EDEM3: variants seen among roughly 807,000 people sequenced by gnomAD.
EDEM3 encodes ER degradation enhancing alpha-mannosidase like protein 3.
A neutral mutation model predicts 110.2 loss-of-function variants in EDEM3; 60 were observed. That is an observed-to-expected ratio of 0.54 (90% CI 0.44 to 0.67). EDEM3 has a LOEUF of 0.67. Among genes scored for constraint, EDEM3 ranks in the 30% least tolerant of loss-of-function variants. EDEM3 has a pLI of 0.00. For missense variants in EDEM3, 996 were observed against 1,121.0 expected, an observed-to-expected ratio of 0.89 and a Z score of 1.59; for synonymous variants, 352 against 382.9, an observed-to-expected ratio of 0.92 and a Z score of 0.94.
At chr1:184,697,716 T>C (rs1196277864) in intron 19 of EDEM3, among the ~76,000 whole-genome samples, 2 of 151,688 alleles carry the variant, frequency 1.3e-5, no homozygotes, top group Non-Finnish European at 3.0e-5. Flanking sequence ...ATGTAAAAAA[T>C]GGTAAAAATG....
At chr1:184,750,022 TCTA>T (rs1652668440) in intron 1 of EDEM3, among the ~76,000 whole-genome samples, 1 of 152,204 alleles carries the variant, frequency 6.6e-6, no homozygotes, top group Non-Finnish European at 1.5e-5. Flanking sequence ...CCCTATATGT[TCTA>T]CTAAGAGAGA....
chr1:184,716,761 A>G, intron 13 of EDEM3, 127 bp downstream of exon 13: 1 of 1,339,864 alleles, frequency 7.5e-7, no homozygotes, highest in Non-Finnish European at 1.0e-6. Flanking sequence ...TTAAAAAAGT[A>G]AACACAAGGA....
At chr1:184,697,717 G>T (rs1230710502) in intron 19 of EDEM3, among the ~76,000 whole-genome samples, 1 of 151,662 alleles carries the variant, frequency 6.6e-6, no homozygotes, top group South Asian at 2.1e-4. Context: ...TGTAAAAAAT[G>T]GTAAAAATGC....
At chr1:184,737,749 A>G (rs1246272234) in intron 2 of EDEM3, 38 bp from the exon 3 acceptor site, 1 of 1,559,192 alleles carries the variant, frequency 6.4e-7, no homozygotes, top group South Asian at 1.1e-5. Flanking sequence ...AAGGAAAATA[A>G]GCGAAAGCAC....
intron 19 of EDEM3, 85 bp downstream of exon 19, chr1:184,702,726 C>T: frequency 3.4e-6 from 4 of 1,190,200 alleles, no homozygotes; most frequent in Admixed American, 3.4e-5. Context: ...CCCCCCAAAA[C>T]AATTTTTTGT....
chr1:184,733,521 T>C (rs1651644037), intron 5 of EDEM3, among the ~76,000 whole-genome samples: 1 of 152,208 alleles, frequency 6.6e-6, no homozygotes, highest in Non-Finnish European at 1.5e-5. Flanking sequence ...TAATAAATCC[T>C]GTAATTTCAT....
chr1:184,699,882 C>T (rs1649524200), intron 19 of EDEM3, among the ~76,000 whole-genome samples: 1 of 151,610 alleles, frequency 6.6e-6, no homozygotes, highest in African/African-American at 2.4e-5. Context: ...GTGACAAATA[C>T]TATTGAAAAA....
chr1:184,747,020 CA>C (rs34429442), intron 2 of EDEM3, among the ~76,000 whole-genome samples: 5,680 of 132,860 alleles, frequency 0.043, 305 homozygotes, highest in African/African-American at 0.13. Context: ...TGATCAAATG[CA>C]AAAAAAAAAA....
At position 184,690,307 on chromosome 1, in the gene EDEM3, T is replaced by C. The variant is rs1649007050; in HGVS notation, c.*3756A>G. 1 of 152,332 alleles carries C rather than the reference T, an allele frequency of 6.6e-6. No homozygotes were observed. Among genetic ancestry groups the C allele is most frequent in the Non-Finnish European group, 1.5e-5 (1 of 68,002 alleles). The allele number at this position is 152,332 out of a possible 1,614,324, so 9.4% of individuals were successfully genotyped here. On this transcript the variant is annotated 3_prime_UTR_variant, in exon 20 of 20. Transcript: ENST00000318130. The stretch of plus-strand genomic sequence containing the variant: ...GCATGCTACTGACTTGTTGAAAAAC[T>C]TTCAGTGATTTCTTAGAACAAAATC...
intron 2 of EDEM3, among the ~76,000 whole-genome samples, chr1:184,747,396 A>G (rs1266123930): frequency 1.3e-5 from 2 of 152,126 alleles, no homozygotes; most frequent in Non-Finnish European, 2.9e-5. Context: ...AACTGACTTC[A>G]AATAACAAAT....
At chr1:184,734,021 C>T (rs1651684186) in intron 5 of EDEM3, among the ~76,000 whole-genome samples, 1 of 152,132 alleles carries the variant, frequency 6.6e-6, no homozygotes, top group South Asian at 2.1e-4. Context: ...ACAGATATTA[C>T]CTTTCAGTCT....
At chr1:184,729,689 A>C (rs755075002) in intron 6 of EDEM3, among the ~76,000 whole-genome samples, 11 of 152,214 alleles carry the variant, frequency 7.2e-5, no homozygotes, top group South Asian at 6.2e-4. Context: ...TGTATAAGAA[A>C]GGATGGGACA....
intron 19 of EDEM3, among the ~76,000 whole-genome samples, chr1:184,696,630 C>G (rs1399593064): frequency 6.6e-6 from 1 of 151,840 alleles, no homozygotes; most frequent in Non-Finnish European, 1.5e-5. Flanking sequence ...TCCACACAAT[C>G]TCTGTCTTCT....
chr1:184,699,442 T>A (rs1649499295), intron 19 of EDEM3, among the ~76,000 whole-genome samples: 1 of 151,806 alleles, frequency 6.6e-6, no homozygotes, highest in East Asian at 1.9e-4. Flanking sequence ...AATGTGAAAA[T>A]GCATGAGAAA....
rs1373554110 is a variant in EDEM3 at position 184,691,587 on chromosome 1, A to C, written c.*2476T>G. The stretch of plus-strand genomic sequence containing the variant: ...CCCTGAATCTTTAGCAAGTTACTAA[A>C]ATGTCTATAAAAGTTAACTAAAAAA... On this transcript the variant is annotated 3_prime_UTR_variant, in exon 20 of 20. Coordinates refer to ENST00000318130, the MANE Select transcript of EDEM3 (RefSeq NM_025191.4). 1 of 152,374 alleles carries C rather than the reference A, an allele frequency of 6.6e-6. No individual in the cohort carries two copies. The allele number at this position is 152,374 out of a possible 1,614,324, so 9.4% of individuals were successfully genotyped here. A position where few individuals can be genotyped will look rare whatever the true frequency, so the allele number is the denominator to read the frequency against.
At chr1:184,728,457 A>G (rs140282511) in intron 6 of EDEM3, among the ~76,000 whole-genome samples, 200 of 149,856 alleles carry the variant, frequency 1.3e-3, no homozygotes, top group African/African-American at 4.7e-3. Flanking sequence ...TTTTAGTACA[A>G]TAATACTTAA....
In EDEM3 at chr1:184,711,776, A is replaced by T. The variant is rs1303337978; in HGVS notation, c.1638T>A (p.Arg546=). The T allele has an allele frequency of 6.2e-7, 1 of 1,613,386 alleles. No homozygotes were observed. Among genetic ancestry groups the T allele is most frequent in the East Asian group, 2.2e-5 (1 of 44,842 alleles). The change falls in exon 15 of 20, where the codon CGT becomes CGA. Residue 546 remains arginine, a synonymous_variant. Coordinates refer to ENST00000318130, the MANE Select transcript of EDEM3 (RefSeq NM_025191.4). ...PNDPLYAQSI[R]EPLKNVVDKS... is the part of the protein sequence containing the mutation. ...TATCCACCACATTTTTCAAGGGCTC[A>T]CGAATACTTTGAGCATACAATGGGT...
At chr1:184,742,249 T>C (rs192051731) in intron 2 of EDEM3, among the ~76,000 whole-genome samples, 201 of 152,228 alleles carry the variant, frequency 1.3e-3, no homozygotes, top group African/African-American at 4.7e-3. Context: ...ATTTAGAAAA[T>C]TGCGTGCTCT....
intron 19 of EDEM3, among the ~76,000 whole-genome samples, chr1:184,696,903 T>G (rs1215092398): frequency 6.6e-6 from 1 of 151,996 alleles, no homozygotes; most frequent in East Asian, 1.9e-4. Context: ...TATACGATAT[T>G]ATTTTGGAAA....
Sources: allele counts gnomAD v4.1 joint callset (sites outside exome capture counted in the v4.1 genomes callset), GRCh38; gene constraint gnomAD v4.1.1; transcripts MANE v1.5; gene names NCBI Gene and HGNC (gene_info 2026-07-23, HGNC 2026-07-21).